Variants in ANTXR2 observed in about 807,000 individuals in gnomAD.
ANTXR2 encodes the protein anthrax toxin receptor 2.
Under a neutral mutation model 73.7 loss-of-function variants are expected in ANTXR2, and 44 were observed. The observed-to-expected ratio is 0.60, with a 90% CI of 0.47 to 0.77. The LOEUF (loss-of-function observed/expected upper bound fraction) is 0.77, where lower values mean the gene tolerates loss of function less well. ANTXR2 is among the 30% of genes least tolerant of loss of function. The probability of loss-of-function intolerance (pLI) is 0.00; values close to 1 mark genes in which losing one functional copy is unlikely to be tolerated. For missense variants in ANTXR2, 604 were observed against 592.5 expected, an observed-to-expected ratio of 1.02 and a Z score of -0.20; for synonymous variants, 217 against 205.9, an observed-to-expected ratio of 1.05 and a Z score of -0.46.
chr4:79,918,501 C>T (rs114626215), intron 16 of ANTXR2, among the ~76,000 whole-genome samples: 2,866 of 152,030 alleles, frequency 0.019, 36 homozygotes, highest in Admixed American at 0.031. Context: ...GTGATAAGCA[C>T]GACAGTTGAC....
intron 12 of ANTXR2, among the ~76,000 whole-genome samples, chr4:79,992,136 A>G (rs1004625414): frequency 5.3e-5 from 8 of 152,048 alleles, no homozygotes; most frequent in African/African-American, 1.9e-4. Context: ...AAAATTGACA[A>G]TAAGTTGAGA....
At chr4:79,911,531 C>A (rs1727138293) in intron 16 of ANTXR2, among the ~76,000 whole-genome samples, 1 of 151,604 alleles carries the variant, frequency 6.6e-6, no homozygotes, top group Admixed American at 6.6e-5. Flanking sequence ...ATACTAGTAT[C>A]AGGTGACAGG....
intron 3 of ANTXR2, among the ~76,000 whole-genome samples, chr4:80,057,681 C>T (rs367614184): frequency 6.8e-6 from 1 of 146,320 alleles, no homozygotes; most frequent in East Asian, 2.0e-4. Flanking sequence ...TAGTCATACT[C>T]ATATTCATGT....
Position 79,959,750 on chromosome 4 carries a change from G to A in ANTXR2, c.1428+17871C>T, listed in dbSNP as rs1057171789. On this transcript the variant is annotated intron_variant, in intron 16 of 16. Transcript: ENST00000403729. ...TACATGAGGAAAATGGCTAAGTCCC[G>A]CTAAACACAGATAATGTAGTGACAA... Among the ~76,000 whole-genome samples the A allele has an allele frequency of 1.6e-4, 24 of 152,150 alleles. 1 individual carries two copies. The highest frequency in any genetic ancestry group is 2.0e-4 in the Admixed American group (3 of 15,278).
At chr4:80,028,831 G>C (rs1732556310) in intron 10 of ANTXR2, among the ~76,000 whole-genome samples, 1 of 152,114 alleles carries the variant, frequency 6.6e-6, no homozygotes, top group Non-Finnish European at 1.5e-5. Context: ...ACCTACAAAA[G>C]TGTCTGAAGA....
intron 16 of ANTXR2, among the ~76,000 whole-genome samples, chr4:79,918,349 A>T (rs1727436327): frequency 1.3e-5 from 2 of 152,066 alleles, no homozygotes; most frequent in Non-Finnish European, 2.9e-5. Flanking sequence ...CTTACAGATC[A>T]AAGAAACTCA....
chr4:79,997,550 CT>C (rs1450697017), intron 12 of ANTXR2, among the ~76,000 whole-genome samples: 1 of 151,914 alleles, frequency 6.6e-6, no homozygotes, highest in Non-Finnish European at 1.5e-5. Context: ...TGAAGTCCTT[CT>C]TTTCTGAATC....
intron 7 of ANTXR2, among the ~76,000 whole-genome samples, chr4:80,050,913 G>T (rs536583388): frequency 6.6e-6 from 1 of 151,358 alleles, no homozygotes; most frequent in Non-Finnish European, 1.5e-5. Context: ...AAATATGAGC[G>T]CATTCTCAAA....
rs180980446 is a variant in ANTXR2 at position 79,928,423 on chromosome 4, G to A, written c.1429-20956C>T. Among the ~76,000 whole-genome samples, 83 of 152,176 alleles carry A rather than the reference G, an allele frequency of 5.5e-4. 1 individual carries two copies. The highest frequency in any genetic ancestry group is 5.9e-5 in the Non-Finnish European group (4 of 67,996). On this transcript the variant is annotated intron_variant, in intron 16 of 16. Transcript: ENST00000403729. ...GTCTGGGATAATGAAAAAGAGAGTT[G>A]GATAGTGGTGACAGATGCACAGCAA...
At chr4:80,062,656 C>T (rs1734317323) in intron 3 of ANTXR2, among the ~76,000 whole-genome samples, 1 of 152,078 alleles carries the variant, frequency 6.6e-6, no homozygotes, top group Non-Finnish European at 1.5e-5. Flanking sequence ...TCTTTTCACC[C>T]CCTCACTGGT....
At position 79,903,635 on chromosome 4, in the gene ANTXR2, C is replaced by G. The variant is rs190933218; in HGVS notation, c.*3794G>C. On this transcript the variant is annotated 3_prime_UTR_variant, in exon 17 of 17. Transcript: ENST00000403729. ...AGGTGTGGAAATATATTAAAGTGTT[C>G]TCAGAAATATGTCATAGAAATTCAC... 3.5e-4 allele frequency: 54 copies of G among 152,230 alleles called. No homozygotes were observed. The highest frequency in any genetic ancestry group is 1.2e-3 in the African/African-American group (51 of 41,550). 9.4% of individuals were successfully genotyped at this position (152,230 alleles called of 1,614,324 possible). A position where few individuals can be genotyped will look rare whatever the true frequency, so the allele number is the denominator to read the frequency against.
chr4:80,050,506 A>C (rs1223087382), intron 7 of ANTXR2, among the ~76,000 whole-genome samples: 2 of 151,642 alleles, frequency 1.3e-5, no homozygotes, highest in East Asian at 3.9e-4. Context: ...CTTTCTACCA[A>C]ATGATTTAAA....
At chr4:79,975,283 GAACA>G (rs1182535143) in intron 16 of ANTXR2, among the ~76,000 whole-genome samples, 1 of 152,174 alleles carries the variant, frequency 6.6e-6, no homozygotes, top group African/African-American at 2.4e-5. Flanking sequence ...AGAGTACCCA[GAACA>G]CATTCCAGAA....
intron 11 of ANTXR2, among the ~76,000 whole-genome samples, chr4:80,014,688 T>C (rs970073704): frequency 8.5e-5 from 13 of 152,202 alleles, no homozygotes; most frequent in Non-Finnish European, 1.8e-4. Context: ...GAGGACTGTC[T>C]TTCTCAAGGC....
At chr4:79,994,955 C>T (rs1342063016) in intron 12 of ANTXR2, among the ~76,000 whole-genome samples, 1 of 151,946 alleles carries the variant, frequency 6.6e-6, no homozygotes, top group Admixed American at 6.6e-5. Context: ...AAACATCCCC[C>T]TACATGCACC....
At chr4:80,041,441 C>T (rs535362455) in intron 7 of ANTXR2, among the ~76,000 whole-genome samples, 39 of 152,074 alleles carry the variant, frequency 2.6e-4, no homozygotes, top group African/African-American at 8.9e-4. Flanking sequence ...GATCTTCTTT[C>T]CTTTTTTCTC....
intron 11 of ANTXR2, 22 bp downstream of exon 11, chr4:80,018,876 C>G (rs1732007863): frequency 6.7e-7 from 1 of 1,481,618 alleles, no homozygotes. Flanking sequence ...AAAAGATAAT[C>G]TTTGTGCAAA....
At chr4:80,058,730 A>T (rs1426829879) in intron 3 of ANTXR2, among the ~76,000 whole-genome samples, 1 of 152,038 alleles carries the variant, frequency 6.6e-6, no homozygotes, top group African/African-American at 2.4e-5. Flanking sequence ...TTTTAAGAAC[A>T]AGAAGAAAGA....
intron 7 of ANTXR2, among the ~76,000 whole-genome samples, chr4:80,048,180 A>C (rs558166498): frequency 8.6e-5 from 13 of 151,236 alleles, no homozygotes; most frequent in Non-Finnish European, 1.8e-4. Flanking sequence ...GAATATTTTC[A>C]AAAACTTGCA....
Sources: gnomAD v4.1 joint callset for allele counts (sites outside exome capture counted in the v4.1 genomes callset) on GRCh38, gnomAD v4.1.1 for gene constraint, MANE v1.5 for transcripts, NCBI Gene and HGNC (gene_info 2026-07-23, HGNC 2026-07-21) for gene names.